ANK3: variants seen among roughly 807,000 people sequenced by gnomAD.
ANK3 encodes ankyrin 3, also known as ankyrin-3.
A neutral mutation model predicts 370.9 loss-of-function variants in ANK3; 57 were observed. That is an observed-to-expected ratio of 0.15 (90% CI 0.12 to 0.19). The LOEUF (loss-of-function observed/expected upper bound fraction) is 0.19, where lower values mean the gene tolerates loss of function less well. ANK3 is among the 10% of genes least tolerant of loss of function. The pLI is 1.00. For synonymous variants in ANK3, 1,929 were observed against 1,946.3 expected, an observed-to-expected ratio of 0.99 and a Z score of 0.23; for missense variants, 4,439 against 5,302.1, an observed-to-expected ratio of 0.84 and a Z score of 5.06.
At chr10:60,238,960 A>T (rs2097375937) in intron 7 of ANK3, among the ~76,000 whole-genome samples, 1 of 152,164 alleles carries the variant, frequency 6.6e-6, no homozygotes, top group Admixed American at 6.5e-5. Context: ...CTTAGCAAAG[A>T]GTCAAATGGA....
chr10:60,277,985 T>A (rs1024895063), intron 4 of ANK3, among the ~76,000 whole-genome samples: 1 of 152,200 alleles, frequency 6.6e-6, no homozygotes, highest in African/African-American at 2.4e-5. Flanking sequence ...TAATGAATAC[T>A]TGAATAATGA....
At chr10:60,545,470 CAT>C (rs2076943197) in intron 2 of ANK3, among the ~76,000 whole-genome samples, 2 of 151,058 alleles carry the variant, frequency 1.3e-5, no homozygotes, top group South Asian at 4.2e-4. Context: ...ACAAATACTT[CAT>C]AGAGTTTCTA....
At chr10:60,143,068 A>G (rs560859587) in intron 23 of ANK3, among the ~76,000 whole-genome samples, 4 of 152,270 alleles carry the variant, frequency 2.6e-5, no homozygotes, top group African/African-American at 9.6e-5. Context: ...CTGTTGCACA[A>G]TTTTTTCCAA....
At chr10:60,391,188 T>C (rs1331378082), upstream of ANK3, among the ~76,000 whole-genome samples, 2 of 152,198 alleles carry the variant, frequency 1.3e-5, no homozygotes, top group East Asian at 3.9e-4. Context: ...CGCACTTCTC[T>C]GAGGCCTCAC....
chr10:60,091,562 C>T (rs1234599123), intron 28 of ANK3, among the ~76,000 whole-genome samples: 1 of 151,882 alleles, frequency 6.6e-6, no homozygotes, highest in Non-Finnish European at 1.5e-5. Flanking sequence ...CTCGTTTGAA[C>T]AGGATGATTT....
At chr10:60,590,409 A>C (rs774980333) in intron 2 of ANK3, among the ~76,000 whole-genome samples, 1 of 152,200 alleles carries the variant, frequency 6.6e-6, no homozygotes, top group Non-Finnish European at 1.5e-5. Flanking sequence ...CATCTCATTC[A>C]CTTTACTTCT....
chr10:60,683,800 A>G (rs1461416661), intron 1 of ANK3, among the ~76,000 whole-genome samples: 1 of 152,204 alleles, frequency 6.6e-6, no homozygotes, highest in African/African-American at 2.4e-5. Context: ...TCCCATGTCA[A>G]TGTTCCTGTC....
At chr10:60,172,070 G>A (rs2095806074) in intron 21 of ANK3, among the ~76,000 whole-genome samples, 1 of 152,144 alleles carries the variant, frequency 6.6e-6, no homozygotes, top group Non-Finnish European at 1.5e-5. Context: ...GCTGTATATG[G>A]AAGTAAAAAC....
chr10:60,295,611 T>C (rs920041272), intron 1 of ANK3, among the ~76,000 whole-genome samples: 3 of 152,150 alleles, frequency 2.0e-5, no homozygotes, highest in Non-Finnish European at 4.4e-5. Flanking sequence ...AACACTCACA[T>C]TGTGATCTGT....
At chr10:60,465,342 T>G (rs1342347000) in intron 2 of ANK3, among the ~76,000 whole-genome samples, 4 of 152,220 alleles carry the variant, frequency 2.6e-5, no homozygotes, top group Non-Finnish European at 5.9e-5. Context: ...TAGGAATTTT[T>G]AGATCCTACG....
intron 2 of ANK3, among the ~76,000 whole-genome samples, chr10:60,567,958 G>C (rs1043159896): frequency 1.2e-4 from 19 of 152,314 alleles, no homozygotes; most frequent in African/African-American, 4.3e-4. Context: ...GACATGACAT[G>C]CCTCATGATA....
intron 1 of ANK3, among the ~76,000 whole-genome samples, chr10:60,353,277 G>T (rs1373951283): frequency 6.6e-6 from 1 of 151,692 alleles, no homozygotes; most frequent in African/African-American, 2.4e-5. Flanking sequence ...ACAGGCATGA[G>T]CCACGGTGCC....
At chr10:60,517,870 C>G (rs1455544388) in intron 2 of ANK3, among the ~76,000 whole-genome samples, 3 of 147,418 alleles carry the variant, frequency 2.0e-5, no homozygotes, top group African/African-American at 5.0e-5. Context: ...TAAAGGGTAA[C>G]TGGGAAGGGA....
At chr10:60,081,880 T>A in intron 35 of ANK3, 2 of 327,564 alleles carry the variant, frequency 6.1e-6, no homozygotes, top group Non-Finnish European at 1.1e-5. Flanking sequence ...TATTTATACA[T>A]GCCAATCTAC....
chr10:60,369,040 G>C (rs2059767941), intron 1 of ANK3, among the ~76,000 whole-genome samples: 1 of 152,062 alleles, frequency 6.6e-6, no homozygotes, highest in African/African-American at 2.4e-5. Context: ...TGTCAAAGCT[G>C]ATTAACTATA....
chr10:60,395,618 T>TTC (rs71015791), intron 2 of ANK3, among the ~76,000 whole-genome samples: 1,606 of 126,296 alleles, frequency 0.013, 57 homozygotes, highest in Non-Finnish European at 0.018. Context: ...CTCTCTTTCG[T>TTC]TCTCTCTCTC....
At chr10:60,324,807 A>G (rs2049440982) in intron 1 of ANK3, among the ~76,000 whole-genome samples, 1 of 152,172 alleles carries the variant, frequency 6.6e-6, no homozygotes, top group South Asian at 2.1e-4. Context: ...ATTGAGCAGT[A>G]AAGTTGTGTT....
intron 1 of ANK3, among the ~76,000 whole-genome samples, chr10:60,333,462 C>T (rs77680652): frequency 2.0e-5 from 3 of 152,140 alleles, no homozygotes; most frequent in African/African-American, 4.8e-5. Flanking sequence ...ATCTATGTCC[C>T]TGCAAAGGAC....
At chr10:60,316,536 A>G (rs975565575) in intron 1 of ANK3, among the ~76,000 whole-genome samples, 1 of 152,184 alleles carries the variant, frequency 6.6e-6, no homozygotes. Flanking sequence ...ATAATTTAAT[A>G]TAATAAATGT....
Sources: gnomAD v4.1 joint callset for allele counts (sites outside exome capture counted in the v4.1 genomes callset) on GRCh38, gnomAD v4.1.1 for gene constraint, MANE v1.5 for transcripts, NCBI Gene and HGNC (gene_info 2026-07-23, HGNC 2026-07-21) for gene names.